The following ITPRID2 variants were observed in gnomAD, a reference collection of about 807,000 sequenced individuals.
The protein encoded by ITPRID2 is ITPR interacting domain containing 2.
ITPRID2 carries 60 observed loss-of-function variants against 124.3 expected under a neutral mutation model. That is an observed-to-expected ratio of 0.48 (90% CI 0.39 to 0.60). The LOEUF (loss-of-function observed/expected upper bound fraction) is 0.60, where lower values mean the gene tolerates loss of function less well. Among genes scored for constraint, ITPRID2 ranks in the 20% least tolerant of loss-of-function variants. The pLI, the probability that ITPRID2 is intolerant of heterozygous loss-of-function variation, is 0.00. For synonymous variants in ITPRID2, 521 were observed against 542.9 expected (o/e 0.96, Z 0.56); for missense variants, 1,553 against 1,512.2 (o/e 1.03, Z -0.45).
rs765407621 is a variant in ITPRID2, at chr2:181,916,233, C to G, written c.2593C>G (p.Leu865Val). 6.2e-7 allele frequency: 1 copy of G among 1,614,208 alleles called. No homozygotes were observed. The highest frequency in any genetic ancestry group is 8.5e-7 in the Non-Finnish European group (1 of 1,180,028). ...GCCCCTGTGTGAGCACACAAGAACT[C>G]TGAGCACTCACAGTGTTCCCAACAT... ...ERPLCEHTRT[L>V]STHSVPNISG... The change falls in exon 11 of 18, where the codon CTG becomes GTG. Residue 865 changes from leucine to valine, a missense_variant. Physicochemically the swap from Leu to Val is conservative, Grantham distance 32. Coordinates refer to ENST00000431877, the MANE Select transcript of ITPRID2 (RefSeq NM_001130445.3).
intron 17 of ITPRID2, among the ~76,000 whole-genome samples, chr2:181,928,917 C>T (rs1322746906): frequency 2.0e-5 from 3 of 152,234 alleles, no homozygotes; most frequent in East Asian, 1.9e-4. Flanking sequence ...TGAGCCACCG[C>T]GCCCGGCCGA....
intron 16 of ITPRID2, among the ~76,000 whole-genome samples, chr2:181,926,611 G>A (rs989164595): frequency 2.0e-5 from 3 of 151,672 alleles, no homozygotes; most frequent in Admixed American, 6.6e-5. Context: ...TACTCAGGAG[G>A]CTGAAGCAGG....
intron 11 of ITPRID2, chr2:181,916,872 T>C (rs1468385391): frequency 5.0e-6 from 5 of 1,000,570 alleles, no homozygotes; most frequent in Non-Finnish European, 6.0e-6. Flanking sequence ...CACCACGTTC[T>C]CCTGGTTCTG....
At chr2:181,909,374 T>G (rs1693418093) in intron 8 of ITPRID2, among the ~76,000 whole-genome samples, 2 of 152,214 alleles carry the variant, frequency 1.3e-5, no homozygotes, top group Admixed American at 1.3e-4. Context: ...TATAATTACC[T>G]CAACTGTGTG....
intron 7 of ITPRID2, 130 bp downstream of exon 7, chr2:181,901,034 ATTT>A: frequency 1.4e-6 from 1 of 700,178 alleles, no homozygotes; most frequent in Non-Finnish European, 2.3e-6. Flanking sequence ...CGCAAAAGCC[ATTT>A]TTACATGTTA....
chr2:181,894,756 A>G (rs184650101), intron 2 of ITPRID2: 1 of 152,286 alleles, frequency 6.6e-6, no homozygotes, highest in East Asian at 1.9e-4. Flanking sequence ...TGCTTGAATT[A>G]ACATTTAAGA....
At chr2:181,920,520 T>G (rs1343451647) in intron 14 of ITPRID2, 77 bp from the exon 15 acceptor site, 10 of 1,048,442 alleles carry the variant, frequency 9.5e-6, no homozygotes, top group Non-Finnish European at 1.4e-5. Flanking sequence ...AAAATATATA[T>G]GTACATTATA....
At position 181,905,975 on chromosome 2, in the gene ITPRID2, A is replaced by G. The variant is rs969262067; in HGVS notation, c.1413+3509A>G. On this transcript the variant is annotated intron_variant, in intron 8 of 17. Transcript: ENST00000431877. The surrounding 1 kb of genome is among the most constrained non-coding windows in gnomAD (Gnocchi z 4.1). ...CTGCTACTCTAAAGCCCAATTAACC[A>G]CTGTTTTGTTATTTGATATTTACCT... 2.6e-5 allele frequency among the ~76,000 whole-genome samples: 4 copies of G among 152,226 alleles called. No individual in the cohort carries two copies. The highest frequency in any genetic ancestry group is 4.4e-5 in the Non-Finnish European group (3 of 68,048).
At chr2:181,903,948 T>C (rs966411675) in intron 8 of ITPRID2, among the ~76,000 whole-genome samples, 1 of 152,202 alleles carries the variant, frequency 6.6e-6, no homozygotes, top group African/African-American at 2.4e-5. Context: ...CCTTGTTTAA[T>C]ACAATAGCAG....
rs1433899377 is a variant in ITPRID2 at position 181,913,005 on chromosome 2, A to G, written c.1487-840A>G. On this transcript the variant is annotated intron_variant, in intron 9 of 17. Transcript: ENST00000431877. Reference sequence around the variant, plus strand: ...ATCATTTAAAACATCATAAAACACCAGAGACATTTAAGTATGCTTGCATTT... The same window carrying G: ...ATCATTTAAAACATCATAAAACACCGGAGACATTTAAGTATGCTTGCATTT... 2.0e-5 allele frequency among the ~76,000 whole-genome samples: 3 copies of G among 152,226 alleles called. No homozygotes were observed. In the East Asian group the frequency reaches 5.8e-4, roughly 29 times the overall value.
Position 181,921,932 on chromosome 2 carries a change from T to C in ITPRID2, c.3211-16T>C. 3.1e-6 allele frequency: 5 copies of C among 1,596,738 alleles called. No homozygotes were observed. The highest frequency in any genetic ancestry group is 4.3e-6 in the Non-Finnish European group (5 of 1,171,694). On this transcript the variant is annotated splice_polypyrimidine_tract_variant and intron_variant, in intron 15 of 17. Coordinates refer to ENST00000431877, the MANE Select transcript of ITPRID2 (RefSeq NM_001130445.3). ...AATTCCAAGAGAGAAGAATAACATT[T>C]TTTTATGATCTCCAGGTCACTGAAC...
chr2:181,926,212 C>A (rs963504281), intron 16 of ITPRID2, among the ~76,000 whole-genome samples: 2 of 151,460 alleles, frequency 1.3e-5, no homozygotes, highest in African/African-American at 2.4e-5. Flanking sequence ...TGCAGTGAGC[C>A]GAGATTGCGC....
chr2:181,921,978 C>G lies in ITPRID2; in HGVS notation c.3241C>G (p.Leu1081Val). The G allele has an allele frequency of 6.2e-7, 1 of 1,614,146 alleles. No individual in the cohort carries two copies. Among genetic ancestry groups the G allele is most frequent in the Non-Finnish European group, 8.5e-7 (1 of 1,180,022 alleles). The stretch of plus-strand genomic sequence containing the variant: ...TGAACTGATGCAGGAGCAGTCATAC[C>G]TGAAGTCTGAATTGGGCCTGGGACT... ...VTELMQEQSY[L>V]KSELGLGLGE... The change falls in exon 16 of 18, where the codon CTG becomes GTG. Residue 1081 changes from leucine to valine, a missense_variant. Leu to Val is a conservative substitution (Grantham distance 32). Coordinates refer to ENST00000431877, the MANE Select transcript of ITPRID2 (RefSeq NM_001130445.3).
rs1281098397 is a variant in ITPRID2 at position 181,919,961 on chromosome 2, A to AT, written c.3144+516dup. Among the ~76,000 whole-genome samples, 2 of 152,146 alleles carry AT rather than the reference A, an allele frequency of 1.3e-5. No homozygotes were observed. The highest frequency in any genetic ancestry group is 6.5e-5 in the Admixed American group (1 of 15,276). Reference sequence around the variant, plus strand: ...CACATACATATATGTATTTTCCTAAATATATAGATATATATCCAAGAGAAT... The same window carrying AT: ...CACATACATATATGTATTTTCCTAAATTATATAGATATATATCCAAGAGAAT... On this transcript the variant is annotated intron_variant, in intron 14 of 17. Coordinates refer to ENST00000431877, the MANE Select transcript of ITPRID2 (RefSeq NM_001130445.3). This position sits in a 1 kb window ranked among gnomAD's most constrained non-coding sequence, Gnocchi z 4.2.
chr2:181,895,593 C>G (rs1329200447), intron 2 of ITPRID2, among the ~76,000 whole-genome samples: 2 of 152,036 alleles, frequency 1.3e-5, no homozygotes, highest in Admixed American at 6.5e-5. Flanking sequence ...TCATTTCCAA[C>G]TACTCTTCAC....
chr2:181,902,530 C>A lies in ITPRID2; in HGVS notation c.1413+64C>A. Reference sequence around the variant, plus strand: ...ACTAGGAAAAAAAGTACCAAAAATGCTTATAAAATGAGAGGTAGCTAATAG... The same window carrying A: ...ACTAGGAAAAAAAGTACCAAAAATGATTATAAAATGAGAGGTAGCTAATAG... On this transcript the variant is annotated intron_variant, in intron 8 of 17. Transcript: ENST00000431877. This position sits in a 1 kb window ranked among gnomAD's most constrained non-coding sequence, Gnocchi z 4.4. The A allele has an allele frequency of 8.2e-7, 1 of 1,215,570 alleles. No homozygotes were observed. The highest frequency in any genetic ancestry group is 1.1e-6 in the Non-Finnish European group (1 of 877,510). The allele number at this position is 1,215,570 out of a possible 1,614,324, so 75.3% of individuals were successfully genotyped here. A position where few individuals can be genotyped will look rare whatever the true frequency, so the allele number is the denominator to read the frequency against.
chr2:181,912,409 T>C (rs551680297), intron 9 of ITPRID2, among the ~76,000 whole-genome samples: 1 of 152,334 alleles, frequency 6.6e-6, no homozygotes, highest in Non-Finnish European at 1.5e-5. Context: ...CCAATTTACG[T>C]AGGCTTATCA....
At position 181,907,226 on chromosome 2, in the gene ITPRID2, T is replaced by G. The variant is rs1230531585; in HGVS notation, c.1414-2673T>G. Among the ~76,000 whole-genome samples the G allele has an allele frequency of 6.6e-6, 1 of 152,126 alleles. No individual in the cohort carries two copies. Among genetic ancestry groups the G allele is most frequent in the Non-Finnish European group, 1.5e-5 (1 of 68,008 alleles). The stretch of plus-strand genomic sequence containing the variant: ...CATGACAGCTGTTAAGAAACCAAAG[T>G]GGTTCACTGAAACAAAAAGTACATT... On this transcript the variant is annotated intron_variant, in intron 8 of 17. Transcript: ENST00000431877. This position sits in a 1 kb window ranked among gnomAD's most constrained non-coding sequence, Gnocchi z 5.1.
At chr2:181,895,718 TGTCA>T (rs1692145843) in intron 2 of ITPRID2, among the ~76,000 whole-genome samples, 1 of 152,084 alleles carries the variant, frequency 6.6e-6, no homozygotes, top group Admixed American at 6.5e-5. Context: ...TAATGCTTAT[TGTCA>T]GTCATTCTCT....
Sources: allele counts gnomAD v4.1 joint callset (sites outside exome capture counted in the v4.1 genomes callset), GRCh38; gene constraint gnomAD v4.1.1; non-coding constraint Gnocchi (gnomAD v3.1); transcripts MANE v1.5; gene names NCBI Gene and HGNC (gene_info 2026-07-23, HGNC 2026-07-21).